The following PCYT1B variants were observed in gnomAD, a reference collection of about 807,000 sequenced individuals.
PCYT1B encodes the protein choline-phosphate cytidylyltransferase B.
In PCYT1B, 10 loss-of-function variants were observed where a neutral mutation model predicts 26.4. The observed-to-expected ratio is 0.38, with a 90% confidence interval of 0.23 to 0.64. PCYT1B has a LOEUF of 0.64. Among genes scored for constraint, PCYT1B ranks in the 30% least tolerant of loss-of-function variants. PCYT1B has a pLI of 0.56. For synonymous variants in PCYT1B, 131 were observed against 108.4 expected, an observed-to-expected ratio of 1.21 and a Z score of -1.29; for missense variants, 161 against 292.7, an observed-to-expected ratio of 0.55 and a Z score of 3.28.
chrX:24,637,412 C>T (rs981874808), intron 1 of PCYT1B, among the ~76,000 whole-genome samples: 1 of 98,074 alleles, frequency 1.0e-5, no homozygotes, highest in African/African-American at 4.0e-5. Flanking sequence ...GAGGCCGAGG[C>T]GGGAGGGTCA....
chrX:24,619,529 G>A (rs913285386), intron 1 of PCYT1B, among the ~76,000 whole-genome samples: 3 of 111,769 alleles, frequency 2.7e-5, no homozygotes, highest in Admixed American at 9.5e-5. Flanking sequence ...TTTCACAACC[G>A]AGGGCAGTCT....
chrX:24,615,602 C>G (rs1925463404), intron 2 of PCYT1B, among the ~76,000 whole-genome samples: 1 of 110,229 alleles, frequency 9.1e-6, no homozygotes, highest in Admixed American at 9.8e-5. Context: ...GTAGCTGGGA[C>G]TACAGACATG....
intron 3 of PCYT1B, among the ~76,000 whole-genome samples, chrX:24,596,971 ATTC>A (rs1293511940): frequency 1.8e-5 from 2 of 111,477 alleles, no homozygotes; most frequent in Non-Finnish European, 3.8e-5. Flanking sequence ...CAGGACACCT[ATTC>A]TTGAAGACCT....
chrX:24,613,705 C>A (rs996223912), intron 2 of PCYT1B, among the ~76,000 whole-genome samples: 1 of 110,083 alleles, frequency 9.1e-6, no homozygotes, highest in Non-Finnish European at 1.9e-5. Flanking sequence ...GTAATCCCAG[C>A]ACTTTGGGAA....
In PCYT1B at chrX:24,579,583, G is replaced by C. The variant is rs1014163645; in HGVS notation, c.566-125C>G. ...CTGGGTATGCCAATGAAGACTTTAC[G>C]TCTGGCCCCAAGTGACTCTTCCACC... On this transcript the variant is annotated intron_variant, in intron 5 of 7. Transcript: ENST00000379144. The C allele has an allele frequency of 1.2e-5, 7 of 576,927 alleles. No homozygotes were observed. The African/African-American group carries it at 1.6e-4, about 13-fold the overall frequency. 47.5% of individuals were successfully genotyped at this position (576,927 alleles called of 1,213,427 possible). A position where few individuals can be genotyped will look rare whatever the true frequency, so the allele number is the denominator to read the frequency against.
At chrX:24,612,649 G>T (rs959207730) in intron 2 of PCYT1B, among the ~76,000 whole-genome samples, 3 of 112,225 alleles carry the variant, frequency 2.7e-5, no homozygotes, top group Non-Finnish European at 5.6e-5. Flanking sequence ...ACCAAGTGAT[G>T]GTGAGAATGC....
chrX:24,601,451 CCACTG>C (rs1924958761), intron 3 of PCYT1B, among the ~76,000 whole-genome samples: 2 of 107,726 alleles, frequency 1.9e-5, no homozygotes, highest in African/African-American at 6.8e-5. Flanking sequence ...CAAGATCGTG[CCACTG>C]CACTGCAGCC....
At chrX:24,665,988 C>G (rs1927120166) in intron 1 of PCYT1B, among the ~76,000 whole-genome samples, 1 of 110,698 alleles carries the variant, frequency 9.0e-6, no homozygotes, top group Non-Finnish European at 1.9e-5. Flanking sequence ...CCTCTAACAA[C>G]CCTAGGAGTC....
chrX:24,623,001 C>G (rs1925745561), intron 1 of PCYT1B, among the ~76,000 whole-genome samples: 1 of 111,562 alleles, frequency 9.0e-6, no homozygotes, highest in Non-Finnish European at 1.9e-5. Flanking sequence ...TTTAAATCAG[C>G]CAGATCACAT....
At chrX:24,582,964 G>A (rs1052509945) in intron 5 of PCYT1B, among the ~76,000 whole-genome samples, 1 of 111,914 alleles carries the variant, frequency 8.9e-6, no homozygotes, top group Non-Finnish European at 1.9e-5. Flanking sequence ...ACAAGGAAGG[G>A]TCCTTGCACA....
chrX:24,655,939 A>G (rs1285976083), intron 1 of PCYT1B, among the ~76,000 whole-genome samples: 2 of 103,928 alleles, frequency 1.9e-5, no homozygotes, highest in African/African-American at 3.5e-5. Flanking sequence ...CCAACATGGC[A>G]AAACCCCGTC....
At chrX:24,592,440 C>G (rs1924599812) in intron 3 of PCYT1B, among the ~76,000 whole-genome samples, 1 of 111,431 alleles carries the variant, frequency 9.0e-6, no homozygotes, top group Non-Finnish European at 1.9e-5. Flanking sequence ...CCCAAGCCAT[C>G]AGGAAAACTG....
At chrX:24,623,190 T>C (rs1925751674) in intron 1 of PCYT1B, among the ~76,000 whole-genome samples, 1 of 109,605 alleles carries the variant, frequency 9.1e-6, no homozygotes, top group Non-Finnish European at 1.9e-5. Flanking sequence ...AAAGGGCATG[T>C]TCATGTTCAT....
chrX:24,642,604 C>A (rs1321950079), intron 1 of PCYT1B, among the ~76,000 whole-genome samples: 1 of 112,038 alleles, frequency 8.9e-6, no homozygotes, highest in African/African-American at 3.2e-5. Context: ...TGACTAGTAT[C>A]AATTTGCAAG....
chrX:24,576,865 A>T (rs1164532942), intron 6 of PCYT1B, among the ~76,000 whole-genome samples: 2 of 111,574 alleles, frequency 1.8e-5, no homozygotes, highest in African/African-American at 3.3e-5. Flanking sequence ...CATCCTACCC[A>T]CCCTTGTAGG....
chrX:24,595,164 G>A (rs1208810972), intron 3 of PCYT1B, among the ~76,000 whole-genome samples: 1 of 109,218 alleles, frequency 9.2e-6, no homozygotes, highest in Admixed American at 1.0e-4. Flanking sequence ...AGACTCCTTT[G>A]TAGGTGCTGT....
chrX:24,570,370 C>T (rs1414138434), intron 7 of PCYT1B, among the ~76,000 whole-genome samples: 1 of 107,660 alleles, frequency 9.3e-6, no homozygotes, highest in Non-Finnish European at 1.9e-5. Flanking sequence ...TCTCCTGCCT[C>T]AGCCTCCCGA....
chrX:24,563,220 G>A (rs768341189), intron 7 of PCYT1B, among the ~76,000 whole-genome samples: 1 of 112,018 alleles, frequency 8.9e-6, no homozygotes, highest in Non-Finnish European at 1.9e-5. Flanking sequence ...TGGTATGTCA[G>A]ATGGATCTGT....
chrX:24,626,756 A>G (rs190949354), intron 1 of PCYT1B, among the ~76,000 whole-genome samples: 1,374 of 112,018 alleles, frequency 0.012, 12 homozygotes, highest in Non-Finnish European at 0.019. Flanking sequence ...AAATTTTTAA[A>G]TTACTTTCAT....
Sources: allele counts gnomAD v4.1 joint callset (sites outside exome capture counted in the v4.1 genomes callset), GRCh38; gene constraint gnomAD v4.1.1; transcripts MANE v1.5; gene names NCBI Gene and HGNC (gene_info 2026-07-23, HGNC 2026-07-21).